The following STK3 variants were observed in gnomAD, a reference collection of about 807,000 sequenced individuals.
STK3 encodes the protein serine/threonine kinase 3.
Under a neutral mutation model 58.0 loss-of-function variants are expected in STK3, and 41 were observed. The observed-to-expected ratio is 0.71, with a 90% CI of 0.55 to 0.92. The LOEUF (loss-of-function observed/expected upper bound fraction) is 0.92, where lower values mean the gene tolerates loss of function less well. Among genes scored for constraint, STK3 ranks in the 40% least tolerant of loss-of-function variants. STK3 has a pLI of 0.00. For missense variants in STK3, 479 were observed against 602.7 expected (o/e 0.79, Z 2.15); for synonymous variants, 170 against 191.0 (o/e 0.89, Z 0.91).
At chr8:98,393,363 G>T (rs1329887228) in intron 3 of STK3, among the ~76,000 whole-genome samples, 1 of 152,130 alleles carries the variant, frequency 6.6e-6, no homozygotes, top group Non-Finnish European at 1.5e-5. Flanking sequence ...GAGAGGCTCT[G>T]GAAGGGTACA....
chr8:98,903,557 C>CTTCTTCTACTTCTTCTTCT (rs1564093746), intron 1 of STK3, among the ~76,000 whole-genome samples: 30 of 9,938 alleles, frequency 3.0e-3, no homozygotes, highest in African/African-American at 0.01. Context: ...CTTCTTCTTC[C>CTTCTTCTACTTCTTCTTCT]TTTTTTTTTT....
intron 3 of STK3, among the ~76,000 whole-genome samples, chr8:98,402,580 G>C (rs4735559): frequency 0.14 from 21,991 of 152,202 alleles, 2,663 homozygotes; most frequent in East Asian, 0.41. Flanking sequence ...CGGGACGGAG[G>C]GGGCCCTGCT....
At chr8:98,358,940 C>G in the STK3 span, among the ~76,000 whole-genome samples, 16 of 152,276 alleles carry the variant, frequency 1.1e-4, no homozygotes, top group African/African-American at 3.6e-4. Context: ...GCAGCGCACA[C>G]ACGCACATGC....
intron 4 of STK3, chr8:98,721,044 T>A: frequency 1.0e-6 from 1 of 957,266 alleles, no homozygotes; most frequent in Non-Finnish European, 1.2e-6. Context: ...AATATACCTG[T>A]TAATGAATTG....
intron 1 of STK3, among the ~76,000 whole-genome samples, chr8:98,887,995 G>A (rs935735352): frequency 1.3e-5 from 2 of 152,174 alleles, no homozygotes; most frequent in African/African-American, 4.8e-5. Flanking sequence ...AGGGATGGCT[G>A]AATATGGGGC....
intron 8 of STK3, among the ~76,000 whole-genome samples, chr8:98,564,654 G>T (rs1054453034): frequency 1.3e-5 from 2 of 152,122 alleles, no homozygotes; most frequent in Non-Finnish European, 2.9e-5. Flanking sequence ...ATAAATGCAT[G>T]AGGTGATGGA....
intron 3 of STK3, among the ~76,000 whole-genome samples, chr8:98,840,089 G>A (rs775138237): frequency 6.6e-6 from 1 of 152,088 alleles, no homozygotes; most frequent in Non-Finnish European, 1.5e-5. Flanking sequence ...GCTAACACCT[G>A]TAATCCCAGC....
rs1241196184 is a variant in STK3 at position 98,455,702 on chromosome 8, C to G, written c.*140G>C. On this transcript the variant is annotated 3_prime_UTR_variant, in exon 11 of 11. Coordinates refer to ENST00000419617, the MANE Select transcript of STK3 (RefSeq NM_006281.4). ...TCAATTCTGCCTTTTGGGAATTTAC[C>G]TGGGCATGTACCATTGTCACTTTTT... 1 of 967,762 alleles carries G rather than the reference C, an allele frequency of 1.0e-6. No homozygotes were observed. Among genetic ancestry groups the G allele is most frequent in the East Asian group, 2.6e-5 (1 of 37,924 alleles). The allele number at this position is 967,762 out of a possible 1,614,324, so 59.9% of individuals were successfully genotyped here. A position where few individuals can be genotyped will look rare whatever the true frequency, so the allele number is the denominator to read the frequency against.
chr8:98,876,726 G>T (rs934762213), intron 3 of STK3, among the ~76,000 whole-genome samples: 1 of 152,198 alleles, frequency 6.6e-6, no homozygotes, highest in Non-Finnish European at 1.5e-5. Flanking sequence ...TAAACTTGTT[G>T]CTTAATCGTT....
At chr8:98,703,036 T>C (rs534398369) in intron 6 of STK3, among the ~76,000 whole-genome samples, 2 of 152,352 alleles carry the variant, frequency 1.3e-5, no homozygotes, top group South Asian at 4.1e-4. Context: ...TTAGCCTATA[T>C]GTCTACCAAA....
the STK3 span, among the ~76,000 whole-genome samples, chr8:98,358,216 G>A: frequency 6.6e-6 from 1 of 152,186 alleles, no homozygotes; most frequent in Admixed American, 6.5e-5. Flanking sequence ...GGAACACAAT[G>A]CGTGAAGTGA....
At chr8:98,711,963 CAG>C (rs1491218368) in intron 4 of STK3, among the ~76,000 whole-genome samples, 3 of 152,170 alleles carry the variant, frequency 2.0e-5, no homozygotes, top group Non-Finnish European at 4.4e-5. Context: ...AGCCAGAAGA[CAG>C]GGGGGCCAAT....
At chr8:98,724,804 T>C (rs1019734826) in intron 4 of STK3, among the ~76,000 whole-genome samples, 1 of 152,158 alleles carries the variant, frequency 6.6e-6, no homozygotes, top group Non-Finnish European at 1.5e-5. Flanking sequence ...AGTCAGACCA[T>C]GCAGAGAAGC....
intron 1 of STK3, 98 bp downstream of exon 1, chr8:98,825,417 G>A (rs1835190668): frequency 8.7e-7 from 1 of 1,152,552 alleles, no homozygotes; most frequent in Non-Finnish European, 1.1e-6. Flanking sequence ...GGGGCCCGGC[G>A]GGCGGGGAGA....
chr8:98,612,480 AAT>A (rs58699516), intron 6 of STK3, among the ~76,000 whole-genome samples: 22 of 146,524 alleles, frequency 1.5e-4, no homozygotes, highest in Admixed American at 2.1e-4. Context: ...GAGAGATTCT[AAT>A]ATATATATAT....
At chr8:98,480,391 A>G (rs2131275288) in intron 10 of STK3, among the ~76,000 whole-genome samples, 1 of 152,328 alleles carries the variant, frequency 6.6e-6, no homozygotes, top group East Asian at 1.9e-4. Flanking sequence ...AATATTTTAA[A>G]CTTTCTGAGA....
intron 6 of STK3, chr8:98,598,515 A>G: frequency 2.0e-6 from 2 of 985,432 alleles, no homozygotes; most frequent in Non-Finnish European, 2.4e-6. Flanking sequence ...CTCATCAATA[A>G]TAGATTTTCT....
At chr8:98,793,204 A>C (rs1832917823) in intron 1 of STK3, among the ~76,000 whole-genome samples, 2 of 152,220 alleles carry the variant, frequency 1.3e-5, no homozygotes, top group South Asian at 4.2e-4. Flanking sequence ...ATAAGGGATA[A>C]AAGACGACAA....
At chr8:98,529,361 A>G (rs573238480) in intron 9 of STK3, among the ~76,000 whole-genome samples, 2 of 152,106 alleles carry the variant, frequency 1.3e-5, no homozygotes, top group South Asian at 4.2e-4. Context: ...TTGGATCTCT[A>G]TGTGTGTTAT....
Sources: allele counts gnomAD v4.1 joint callset (sites outside exome capture counted in the v4.1 genomes callset), GRCh38; gene constraint gnomAD v4.1.1; transcripts MANE v1.5; gene names NCBI Gene and HGNC (gene_info 2026-07-23, HGNC 2026-07-21).